Variants in RBMS3 observed in about 807,000 individuals in gnomAD.
RBMS3 encodes RNA-binding motif, single-stranded-interacting protein 3.
RBMS3 carries 27 observed loss-of-function variants against 66.8 expected under a neutral mutation model. The observed-to-expected ratio is 0.40, with a 90% CI of 0.30 to 0.56. The LOEUF is 0.56. RBMS3 is among the 20% of genes least tolerant of loss of function. The pLI, the probability that RBMS3 is intolerant of heterozygous loss-of-function variation, is 0.40. For synonymous variants in RBMS3, 188 were observed against 183.0 expected (o/e 1.03, Z -0.22); for missense variants, 513 against 549.5 (o/e 0.93, Z 0.66).
intron 4 of RBMS3, among the ~76,000 whole-genome samples, chr3:29,726,256 CGAATGGGCAAAAGCTG>C (rs2053869750): frequency 6.6e-6 from 1 of 151,932 alleles, no homozygotes; most frequent in Admixed American, 6.6e-5. Flanking sequence ...AATATCATAC[CGAATGGGCAAAAGCTG>C]GAAGCATTCC....
intron 3 of RBMS3, among the ~76,000 whole-genome samples, chr3:29,569,873 C>G (rs1187353125): frequency 2.6e-5 from 4 of 152,012 alleles, no homozygotes; most frequent in Non-Finnish European, 5.9e-5. Flanking sequence ...CTAAGGCAAA[C>G]TGTATAGCTC....
intron 6 of RBMS3, among the ~76,000 whole-genome samples, chr3:29,792,680 A>C (rs1453036347): frequency 6.6e-6 from 1 of 152,244 alleles, no homozygotes; most frequent in African/African-American, 2.4e-5. Context: ...CAAATGAAAC[A>C]GGAAAAGAGG....
At chr3:29,564,485 T>TAAAAA (rs201649263) in intron 3 of RBMS3, among the ~76,000 whole-genome samples, 1 of 130,666 alleles carries the variant, frequency 7.7e-6, no homozygotes, top group Admixed American at 7.7e-5. Flanking sequence ...AAAAGTTCAT[T>TAAAAA]AAAAAAAAAA....
intron 10 of RBMS3, among the ~76,000 whole-genome samples, chr3:29,913,925 T>A (rs1258236320): frequency 2.0e-5 from 3 of 151,970 alleles, no homozygotes; most frequent in Non-Finnish European, 4.4e-5. Context: ...ATAATCTAAC[T>A]TTCTGAGATG....
At chr3:29,585,197 C>T (rs562278461) in intron 3 of RBMS3, among the ~76,000 whole-genome samples, 38 of 152,026 alleles carry the variant, frequency 2.5e-4, no homozygotes, top group Admixed American at 1.1e-3. Flanking sequence ...GAAGATTGGC[C>T]AACGTGTAAG....
In RBMS3 at chr3:29,585,738, T is replaced by C. The variant is rs2047496571; in HGVS notation, c.308-1376T>C. Reference sequence around the variant, plus strand: ...ACTCATCTTACTGGGTAGTAATACTTACATTACCCATTTAGTTTGATTTTG... The same window carrying C: ...ACTCATCTTACTGGGTAGTAATACTCACATTACCCATTTAGTTTGATTTTG... On this transcript the variant is annotated intron_variant, in intron 3 of 14. Transcript: ENST00000383767. 2.6e-5 allele frequency among the ~76,000 whole-genome samples: 4 copies of C among 152,214 alleles called. No homozygotes were observed. The South Asian group carries it at 6.2e-4, about 24-fold the overall frequency.
chr3:29,758,263 G>T (rs2055513977), intron 5 of RBMS3, among the ~76,000 whole-genome samples: 1 of 152,200 alleles, frequency 6.6e-6, no homozygotes, highest in Non-Finnish European at 1.5e-5. Context: ...CATGAGGCCA[G>T]CAATGGAGCT....
chr3:29,359,441 G>T (rs1320142104), intron 1 of RBMS3, among the ~76,000 whole-genome samples: 1 of 152,056 alleles, frequency 6.6e-6, no homozygotes, highest in African/African-American at 2.4e-5. Flanking sequence ...TGCTGGATTC[G>T]GTTTGCCAGT....
In RBMS3 at chr3:29,837,429, G is replaced by C. The variant is rs2058541188; in HGVS notation, c.638-31429G>C. Among the ~76,000 whole-genome samples, 5 of 151,102 alleles carry C rather than the reference G, an allele frequency of 3.3e-5. No individual in the cohort carries two copies. In the South Asian group the frequency reaches 8.4e-4, roughly 25 times the overall value. The stretch of plus-strand genomic sequence containing the variant: ...TTATACATTTAGAACATTTAATCTG[G>C]ATTTTTGTACCATTCAGTAAAAGTA... On this transcript the variant is annotated intron_variant, in intron 6 of 14. Transcript: ENST00000383767.
At chr3:29,800,700 A>C (rs903110805) in intron 6 of RBMS3, among the ~76,000 whole-genome samples, 1 of 152,162 alleles carries the variant, frequency 6.6e-6, no homozygotes, top group Non-Finnish European at 1.5e-5. Context: ...CTGTTTATTC[A>C]ATAGTGCACT....
At chr3:29,369,529 C>T (rs1456289802) in intron 1 of RBMS3, among the ~76,000 whole-genome samples, 1 of 123,320 alleles carries the variant, frequency 8.1e-6, no homozygotes. Flanking sequence ...CACACACACA[C>T]ACACTTTGAG....
intron 4 of RBMS3, among the ~76,000 whole-genome samples, chr3:29,603,463 G>T (rs944648016): frequency 1.3e-5 from 2 of 151,882 alleles, no homozygotes; most frequent in African/African-American, 4.8e-5. Context: ...GAGGCATTTT[G>T]CCCACCATAG....
At chr3:29,409,350 A>G (rs1178365810) in intron 1 of RBMS3, among the ~76,000 whole-genome samples, 2 of 151,784 alleles carry the variant, frequency 1.3e-5, no homozygotes, top group African/African-American at 4.8e-5. Context: ...TTCATATATT[A>G]TCTCATTCTC....
intron 1 of RBMS3, among the ~76,000 whole-genome samples, chr3:29,307,745 GT>G (rs1377028186): frequency 6.6e-6 from 1 of 151,898 alleles, no homozygotes. Flanking sequence ...TCCAAAGGTA[GT>G]TTTATTCTAG....
Position 29,348,473 on chromosome 3 carries a change from G to A in RBMS3, c.75+66717G>A, listed in dbSNP as rs115500655. ...CATTTACTGTCTCCAGAAAATGAAAGTTAATTTATGTATTTCATCAACAGA... is the reference window on the plus strand; with the variant it reads ...CATTTACTGTCTCCAGAAAATGAAAATTAATTTATGTATTTCATCAACAGA... On this transcript the variant is annotated intron_variant, in intron 1 of 14. Coordinates refer to ENST00000383767, the MANE Select transcript of RBMS3 (RefSeq NM_001003793.3). 9.4e-3 allele frequency among the ~76,000 whole-genome samples: 1,425 copies of A among 151,370 alleles called. 30 individuals are homozygous for A. The highest frequency in any genetic ancestry group is 0.033 in the African/African-American group (1,347 of 41,276).
intron 1 of RBMS3, among the ~76,000 whole-genome samples, chr3:29,347,605 G>A (rs976931494): frequency 5.3e-5 from 8 of 152,278 alleles, no homozygotes; most frequent in African/African-American, 1.4e-4. Context: ...AGTCAATTAT[G>A]TGGATTCCAC....
At chr3:29,671,949 C>T (rs1253359749) in intron 4 of RBMS3, among the ~76,000 whole-genome samples, 1 of 152,136 alleles carries the variant, frequency 6.6e-6, no homozygotes, top group Admixed American at 6.5e-5. Context: ...AAAGATACTC[C>T]TTGAGAATCA....
intron 1 of RBMS3, among the ~76,000 whole-genome samples, chr3:29,378,505 AC>A (rs61405270): frequency 0.02 from 3,007 of 149,706 alleles, 131 homozygotes; most frequent in African/African-American, 0.07. Context: ...AAAACAAAAA[AC>A]AACTGTCTAT....
intron 3 of RBMS3, among the ~76,000 whole-genome samples, chr3:29,528,644 A>G (rs1023226464): frequency 6.6e-6 from 1 of 152,168 alleles, no homozygotes; most frequent in Non-Finnish European, 1.5e-5. Context: ...TTTGTTTTTA[A>G]CTTTAGGTAT....
Sources: allele counts gnomAD v4.1 joint callset (sites outside exome capture counted in the v4.1 genomes callset), GRCh38; gene constraint gnomAD v4.1.1; transcripts MANE v1.5; gene names NCBI Gene and HGNC (gene_info 2026-07-23, HGNC 2026-07-21).